The following HRH1 variants were observed in gnomAD, a reference collection of about 807,000 sequenced individuals.
HRH1 encodes histamine receptor H1.
Under a neutral mutation model 10.3 loss-of-function variants are expected in HRH1, and 6 were observed. That is an observed-to-expected ratio of 0.58 (90% CI 0.32 to 1.15). HRH1 has a LOEUF of 1.15. Among genes scored for constraint, HRH1 ranks in the 50% most tolerant of loss-of-function variants. The probability of loss-of-function intolerance (pLI) is 0.05; values close to 1 mark genes in which losing one functional copy is unlikely to be tolerated. For synonymous variants in HRH1, 242 were observed against 236.7 expected, an observed-to-expected ratio of 1.02 and a Z score of -0.21; for missense variants, 514 against 615.3, an observed-to-expected ratio of 0.84 and a Z score of 1.74.
chr3:11,145,032 T>C (rs1936404889), intron 1 of HRH1, among the ~76,000 whole-genome samples: 1 of 152,120 alleles, frequency 6.6e-6, no homozygotes, highest in Non-Finnish European at 1.5e-5. Flanking sequence ...CTCCTAAGTA[T>C]CTCTGGAAGC....
intron 1 of HRH1, among the ~76,000 whole-genome samples, chr3:11,224,194 A>C (rs1575025948): frequency 6.6e-6 from 1 of 152,196 alleles, no homozygotes; most frequent in East Asian, 1.9e-4. Context: ...GTGAGGCTGA[A>C]TAAGACGTGG....
intron 1 of HRH1, among the ~76,000 whole-genome samples, chr3:11,203,987 T>C (rs192288689): frequency 1.8e-3 from 279 of 152,332 alleles, no homozygotes; most frequent in African/African-American, 6.3e-3. Context: ...ATGCTGTCCT[T>C]TAAGCTACCT....
chr3:11,242,817 T>TAA (rs1304018065), intron 1 of HRH1, among the ~76,000 whole-genome samples: 1 of 152,162 alleles, frequency 6.6e-6, no homozygotes, highest in East Asian at 1.9e-4. Context: ...ACCTCAAACT[T>TAA]CTTTAAGTCT....
intron 1 of HRH1, among the ~76,000 whole-genome samples, chr3:11,164,053 CTTG>C (rs1319095696): frequency 2.0e-5 from 3 of 151,106 alleles, no homozygotes; most frequent in Non-Finnish European, 2.9e-5. Context: ...TCTGGAGATA[CTTG>C]TTGAATGAAT....
At chr3:11,216,009 T>C (rs1355257478) in intron 1 of HRH1, among the ~76,000 whole-genome samples, 1 of 152,216 alleles carries the variant, frequency 6.6e-6, no homozygotes, top group Non-Finnish European at 1.5e-5. Context: ...GTTAGGGATC[T>C]ATGATTTAAT....
At chr3:11,196,035 T>A (rs772685467) in intron 1 of HRH1, among the ~76,000 whole-genome samples, 1 of 152,230 alleles carries the variant, frequency 6.6e-6, no homozygotes, top group Non-Finnish European at 1.5e-5. Flanking sequence ...CTCCGCACTC[T>A]GGCCCCGCCA....
chr3:11,163,700 CA>C (rs140071488), intron 1 of HRH1, among the ~76,000 whole-genome samples: 4,435 of 152,262 alleles, frequency 0.029, 237 homozygotes, highest in African/African-American at 0.1. Context: ...ATTACATTAG[CA>C]TATAAGTACA....
rs1198637972 is a variant in HRH1 at position 11,262,518 on chromosome 3, A to C, written c.*2017A>C. ...TTGTTCAAAACGGGGGGAGTTTAGG[A>C]GACTTTAATCCCGGTTTCAGAAGCT... On this transcript the variant is annotated 3_prime_UTR_variant, in exon 2 of 2. Transcript: ENST00000431010. 1 of 167,038 alleles carries C rather than the reference A, an allele frequency of 6.0e-6. No homozygotes were observed. Among genetic ancestry groups the C allele is most frequent in the Non-Finnish European group, 1.5e-5 (1 of 68,112 alleles). 10.3% of individuals were successfully genotyped at this position (167,038 alleles called of 1,614,324 possible).
chr3:11,242,999 T>A (rs1939390343), intron 1 of HRH1, among the ~76,000 whole-genome samples: 1 of 152,042 alleles, frequency 6.6e-6, no homozygotes, highest in African/African-American at 2.4e-5. Flanking sequence ...CTGCAACCTC[T>A]GCCTCCTGGG....
intron 1 of HRH1, among the ~76,000 whole-genome samples, chr3:11,237,372 G>A (rs561111142): frequency 4.9e-4 from 75 of 152,262 alleles, no homozygotes; most frequent in African/African-American, 1.7e-3. Flanking sequence ...GGAGTGGGGG[G>A]AGTATGTGAA....
At chr3:11,236,971 CATCA>C (rs1939197573) in intron 1 of HRH1, among the ~76,000 whole-genome samples, 1 of 152,204 alleles carries the variant, frequency 6.6e-6, no homozygotes, top group Admixed American at 6.5e-5. Flanking sequence ...AGTTCAATAT[CATCA>C]ATCACTTTTT....
At chr3:11,258,853 T>A (rs377102597) in intron 1 of HRH1, 150 bp from the exon 2 acceptor site, 20 of 555,436 alleles carry the variant, frequency 3.6e-5, no homozygotes, top group African/African-American at 3.4e-4. Flanking sequence ...AATGCATGAA[T>A]AAGGAAAAGG....
intron 1 of HRH1, among the ~76,000 whole-genome samples, chr3:11,167,554 G>C (rs1057132087): frequency 2.6e-5 from 4 of 151,678 alleles, no homozygotes; most frequent in Admixed American, 1.3e-4. Flanking sequence ...CTGTCCCCTG[G>C]CTTCTCCAGG....
At chr3:11,230,833 T>C (rs745572871) in intron 1 of HRH1, among the ~76,000 whole-genome samples, 1 of 151,826 alleles carries the variant, frequency 6.6e-6, no homozygotes, top group Non-Finnish European at 1.5e-5. Context: ...CACTCAGTTG[T>C]AGGAAATAAT....
At chr3:11,174,818 C>T (rs1417475548) in intron 1 of HRH1, among the ~76,000 whole-genome samples, 1 of 152,156 alleles carries the variant, frequency 6.6e-6, no homozygotes, top group Non-Finnish European at 1.5e-5. Context: ...TCCAGGCATG[C>T]CAGGGCCCCA....
intron 1 of HRH1, among the ~76,000 whole-genome samples, chr3:11,193,561 C>G (rs1008644792): frequency 4.0e-5 from 6 of 151,696 alleles, no homozygotes; most frequent in Admixed American, 2.0e-4. Flanking sequence ...CCTTCTCACT[C>G]TGTCTTCACA....
chr3:11,153,121 T>C (rs1399135895), upstream of HRH1, among the ~76,000 whole-genome samples: 3 of 152,156 alleles, frequency 2.0e-5, no homozygotes, highest in Non-Finnish European at 4.4e-5. Flanking sequence ...CCTTGGACCT[T>C]GGGGCCAGGC....
At chr3:11,251,454 T>C (rs570387423) in intron 1 of HRH1, among the ~76,000 whole-genome samples, 52 of 152,238 alleles carry the variant, frequency 3.4e-4, no homozygotes, top group Non-Finnish European at 1.6e-4. Flanking sequence ...AGGCTTGATT[T>C]AGTGTAAACA....
chr3:11,224,271 C>T (rs1377676289), intron 1 of HRH1, among the ~76,000 whole-genome samples: 1 of 151,838 alleles, frequency 6.6e-6, no homozygotes, highest in Non-Finnish European at 1.5e-5. Context: ...GATCACAGTA[C>T]AGAGTCAGCT....
Sources: allele counts gnomAD v4.1 joint callset (sites outside exome capture counted in the v4.1 genomes callset), GRCh38; gene constraint gnomAD v4.1.1; transcripts MANE v1.5; gene names NCBI Gene and HGNC (gene_info 2026-07-23, HGNC 2026-07-21).